NOC3L: variants seen among roughly 807,000 people sequenced by gnomAD.
The protein encoded by NOC3L is NOC3 like DNA replication regulator, also known as nucleolar complex protein 3 homolog.
NOC3L carries 85 observed loss-of-function variants against 102.5 expected under a neutral mutation model. That is an observed-to-expected ratio of 0.83 (90% CI 0.70 to 0.99). The LOEUF (loss-of-function observed/expected upper bound fraction) is 0.99. Ranked by LOEUF, NOC3L falls within the 50% of genes least tolerant of loss-of-function variation. The probability of loss-of-function intolerance (pLI) is 0.00; values close to 1 mark genes in which losing one functional copy is unlikely to be tolerated. For synonymous variants in NOC3L, 303 were observed against 309.4 expected (o/e 0.98, Z 0.22); for missense variants, 878 against 914.9 (o/e 0.96, Z 0.52).
At chr10:94,318,462 T>C in the NOC3L span, among the ~76,000 whole-genome samples, 1 of 152,242 alleles carries the variant, frequency 6.6e-6, no homozygotes, top group Admixed American at 6.5e-5. Context: ...CTATGTTGAA[T>C]GATATAATGG....
At chr10:94,324,669 G>C in the NOC3L span, 1 of 1,086,144 alleles carries the variant, frequency 9.2e-7, no homozygotes, top group Non-Finnish European at 1.4e-6. Context: ...GAAAGTTCCT[G>C]AGTCAAGGAA....
downstream of NOC3L, chr10:94,329,471 A>G (rs549001186): frequency 7.9e-5 from 12 of 152,306 alleles, no homozygotes; most frequent in East Asian, 2.1e-3. Flanking sequence ...TGCATATTCT[A>G]AAAACAGAAG....
intron 2 of NOC3L, 121 bp from the exon 3 acceptor site, chr10:94,358,336 CA>C (rs2054513098): frequency 1.5e-6 from 1 of 675,110 alleles, no homozygotes; most frequent in East Asian, 2.5e-5. Context: ...CCTCCCACTC[CA>C]GCCTCCCAAA....
chr10:94,323,223 C>T, the NOC3L span, among the ~76,000 whole-genome samples: 785 of 152,284 alleles, frequency 5.2e-3, 7 homozygotes, highest in African/African-American at 0.015. Context: ...TGAGAGTTTA[C>T]ATGGTTTCAG....
the NOC3L span, chr10:94,316,553 A>G: frequency 1.2e-6 from 2 of 1,604,242 alleles, no homozygotes; most frequent in Admixed American, 3.3e-5. Flanking sequence ...TTAGATTCTG[A>G]CAAATGAACA....
rs749223981 is a variant in NOC3L at position 94,334,262 on chromosome 10, T to C, written c.2318A>G (p.Asn773Ser). ...QGDSFLNEDL[N>S]QLIKRYSSEV... ...ACTGGAGTATCTTTTGATTAGCTGA[T>C]TTAAATCTTCATTCAAAAATGAATC... The change falls in exon 21 of 21, where the codon AAT (asparagine) becomes AGT (serine). Residue 773 changes from asparagine (N) to serine (S), a missense_variant. Coordinates refer to ENST00000371361, the MANE Select transcript of NOC3L (RefSeq NM_022451.11). 1 of 1,611,092 alleles carries C rather than the reference T, an allele frequency of 6.2e-7. No individual in the cohort carries two copies. Among genetic ancestry groups the C allele is most frequent in the East Asian group, 2.2e-5 (1 of 44,854 alleles).
rs1051101463 is a variant in NOC3L, at chr10:94,337,761, C to T, written c.2189+16G>A. ...TCAATTCTGTAGTTTTAGAATAAGG[C>T]AATGCTAAATATTACCTTCGACTCA... On this transcript the variant is annotated intron_variant, in intron 19 of 20. Transcript: ENST00000371361. 10 of 1,538,880 alleles carry T rather than the reference C, an allele frequency of 6.5e-6. No individual in the cohort carries two copies. Among genetic ancestry groups the T allele is most frequent in the Non-Finnish European group, 9.0e-6 (10 of 1,112,830 alleles).
In NOC3L at chr10:94,346,531, C is replaced by A; in HGVS notation, c.1283G>T (p.Arg428Ile). 7.1e-7 allele frequency: 1 copy of A among 1,418,052 alleles called. No homozygotes were observed. The allele number at this position is 1,418,052 out of a possible 1,614,324, so 87.8% of individuals were successfully genotyped here. Residue 428 changes from arginine (R) to isoleucine (I), a missense_variant, in exon 11 of 21, where the codon AGA becomes ATA. Physicochemically the swap from Arg to Ile is moderately conservative, Grantham distance 97. Coordinates refer to ENST00000371361, the MANE Select transcript of NOC3L (RefSeq NM_022451.11). ...TTTTTTCACTTCTACTTCCTTGATT[C>A]TTAGGCATAAAAATGTTTTTAACAT... ...PEMLKTFLCLRIKEVEVKKDT... is the reference protein window; with the variant it reads ...PEMLKTFLCLIIKEVEVKKDT...
chr10:94,354,826 C>T (rs2054463711), intron 6 of NOC3L, 137 bp downstream of exon 6: 3 of 791,624 alleles, frequency 3.8e-6, no homozygotes, highest in East Asian at 5.1e-5. Context: ...TGTCTACTCT[C>T]TTACTCTAAC....
chr10:94,358,335 C>G (rs997082036), intron 2 of NOC3L, 120 bp from the exon 3 acceptor site: 2 of 674,924 alleles, frequency 3.0e-6, no homozygotes, highest in South Asian at 3.6e-5. Context: ...TCCTCCCACT[C>G]CAGCCTCCCA....
chr10:94,327,298 A>T, the NOC3L span, among the ~76,000 whole-genome samples: 1 of 152,054 alleles, frequency 6.6e-6, no homozygotes, highest in Admixed American at 6.6e-5. Context: ...ATAAGAAAAG[A>T]AGTTTAGAGT....
chr10:94,335,683 G>A lies in NOC3L; in HGVS notation c.2190-965C>T, dbSNP rs552900390. ...CCTCCCAGTATTTCAAGAAAAGCGG[G>A]AAATGTGAATTTCAGATGAATTCTT... On this transcript the variant is annotated intron_variant, in intron 19 of 20. Transcript: ENST00000371361. Among the ~76,000 whole-genome samples, 7 of 152,248 alleles carry A rather than the reference G, an allele frequency of 4.6e-5. No homozygotes were observed. The East Asian group carries it at 1.4e-3, about 29-fold the overall frequency.
At chr10:94,327,544 G>A in the NOC3L span, among the ~76,000 whole-genome samples, 2 of 152,134 alleles carry the variant, frequency 1.3e-5, no homozygotes, top group East Asian at 1.9e-4. Context: ...AGAGCAAAAA[G>A]AAAGTTAGTT....
chr10:94,320,331 A>T, the NOC3L span, among the ~76,000 whole-genome samples: 49 of 152,082 alleles, frequency 3.2e-4, 2 homozygotes, highest in East Asian at 9.1e-3. Flanking sequence ...CATTGAAAAA[A>T]GTTAAAATAG....
chr10:94,341,438 A>C (rs1208975015), intron 14 of NOC3L, among the ~76,000 whole-genome samples: 1 of 151,574 alleles, frequency 6.6e-6, no homozygotes, highest in Non-Finnish European at 1.5e-5. Context: ...ATTTAAAAAA[A>C]AAAAAAAGAA....
At chr10:94,319,265 A>G in the NOC3L span, among the ~76,000 whole-genome samples, 194 of 152,334 alleles carry the variant, frequency 1.3e-3, 7 homozygotes, top group East Asian at 0.029. Context: ...AAGATAACTA[A>G]ATTTAGTGTA....
chr10:94,316,241 C>T, the NOC3L span, among the ~76,000 whole-genome samples: 2 of 152,124 alleles, frequency 1.3e-5, no homozygotes, highest in Admixed American at 6.5e-5. Context: ...TGCAAGATTA[C>T]AAAGGGCTAA....
the NOC3L span, among the ~76,000 whole-genome samples, chr10:94,326,920 G>T: frequency 6.6e-6 from 1 of 152,118 alleles, no homozygotes; most frequent in African/African-American, 2.4e-5. Flanking sequence ...CAGCACTTTG[G>T]GAGGCCAAGG....
At chr10:94,327,360 C>T in the NOC3L span, among the ~76,000 whole-genome samples, 11 of 151,840 alleles carry the variant, frequency 7.2e-5, no homozygotes, top group African/African-American at 2.7e-4. Context: ...TGTGGGAGGC[C>T]GAGGTGTGTG....
Sources: allele counts gnomAD v4.1 joint callset (sites outside exome capture counted in the v4.1 genomes callset), GRCh38; gene constraint gnomAD v4.1.1; transcripts MANE v1.5; gene names NCBI Gene and HGNC (gene_info 2026-07-23, HGNC 2026-07-21).